Variants in TOMM22 observed in about 807,000 individuals in gnomAD.
The protein encoded by TOMM22 is mitochondrial import receptor subunit TOM22 homolog.
TOMM22 carries 3 observed loss-of-function variants against 17.1 expected under a neutral mutation model. That is an observed-to-expected ratio of 0.18 (90% confidence interval 0.08 to 0.45). TOMM22 has a LOEUF of 0.45. TOMM22 is among the 20% of genes least tolerant of loss of function. The pLI is 0.99. For synonymous variants in TOMM22, 91 were observed against 74.0 expected (o/e 1.23, Z -1.18); for missense variants, 159 against 179.5 (o/e 0.89, Z 0.65).
Position 38,683,764 on chromosome 22 carries a change from C to T in TOMM22, c.355-3C>T, listed in dbSNP as rs368675154. On this transcript the variant is annotated splice_polypyrimidine_tract_variant and splice_region_variant and intron_variant, in intron 3 of 3. Transcript: ENST00000216034. ...GCCTTACACCCCTCCTTTTCTTTTC[C>T]AGATACTTCTAGGACCTAACACAGG... is the stretch of plus-strand genomic sequence containing the variant. 38 of 1,613,392 alleles carry T rather than the reference C, an allele frequency of 2.4e-5. No individual in the cohort carries two copies. The highest frequency in any genetic ancestry group is 3.1e-5 in the Non-Finnish European group (36 of 1,179,554).
chr22:38,683,693 G>C (rs2092486946), intron 3 of TOMM22, 74 bp from the exon 4 acceptor site: 1 of 1,103,068 alleles, frequency 9.1e-7, no homozygotes, highest in Non-Finnish European at 1.4e-6. Flanking sequence ...TGTAGACGTT[G>C]GCCCCATCAG....
intron 2 of TOMM22, 88 bp from the exon 3 acceptor site, chr22:38,682,791 G>A (rs2092483092): frequency 9.2e-7 from 1 of 1,086,722 alleles, no homozygotes; most frequent in Admixed American, 1.7e-5. Context: ...ATTGGAGTAT[G>A]TAATGTGAGA....
At chr22:38,682,486 CGTG>C (rs1569259687) in intron 2 of TOMM22, 45 bp downstream of exon 2, 3 of 1,556,514 alleles carry the variant, frequency 1.9e-6, no homozygotes, top group Non-Finnish European at 2.7e-6. Context: ...ATGGGATGGT[CGTG>C]GTGCTGTGAA....
chr22:38,684,635 C>A lies in TOMM22; in HGVS notation c.*794C>A, dbSNP rs2092490594. ...AAAATTCATTTTTAGCCAAGTACTT[C>A]ATAGCAATCTTTGCCCTGAATTTAG... is the stretch of plus-strand genomic sequence containing the variant. On this transcript the variant is annotated 3_prime_UTR_variant, in exon 4 of 4. Coordinates refer to ENST00000216034, the MANE Select transcript of TOMM22 (RefSeq NM_020243.5). The A allele has an allele frequency of 6.6e-6, 1 of 152,134 alleles. No homozygotes were observed. The highest frequency in any genetic ancestry group is 1.5e-5 in the Non-Finnish European group (1 of 68,044). 9.4% of individuals were successfully genotyped at this position (152,134 alleles called of 1,614,324 possible). A position where few individuals can be genotyped will look rare whatever the true frequency, so the allele number is the denominator to read the frequency against.
intron 3 of TOMM22, among the ~76,000 whole-genome samples, chr22:38,683,424 CAGG>C (rs2092486138): frequency 6.6e-6 from 1 of 152,134 alleles, no homozygotes; most frequent in South Asian, 2.1e-4. Flanking sequence ...GCTGATCTGA[CAGG>C]AGGTGGAGCT....
In TOMM22 at chr22:38,682,285, C is replaced by T. The variant is rs368090646; in HGVS notation, c.118-38C>T. On this transcript the variant is annotated intron_variant, in intron 1 of 3. Transcript: ENST00000216034. Reference sequence around the variant, plus strand: ...CCGCAGCGGGGCCAGGAATGGATGTCGCTTTTTCGGCTAAGACCCGCGTCT... The same window carrying T: ...CCGCAGCGGGGCCAGGAATGGATGTTGCTTTTTCGGCTAAGACCCGCGTCT... 1.9e-4 allele frequency: 310 copies of T among 1,600,656 alleles called. 1 individual carries two copies. The South Asian group carries it at 2.1e-3, about 11-fold the overall frequency.
intron 3 of TOMM22, among the ~76,000 whole-genome samples, chr22:38,683,371 C>T (rs1044733633): frequency 6.6e-6 from 1 of 152,156 alleles, no homozygotes; most frequent in Non-Finnish European, 1.5e-5. Context: ...CTCGCATGCA[C>T]TGTTCACAAG....
chr22:38,682,024 C>T lies in TOMM22; in HGVS notation c.46C>T (p.Pro16Ser). ...AAAGAGEPQSPDELLPKGDAE... is the reference protein window; with the variant it reads ...AAAGAGEPQSSDELLPKGDAE... ...TGCCGGTGCAGGGGAACCCCAGTCC[C>T]CGGACGAATTGCTCCCGAAAGGCGA... The change falls in exon 1 of 4, where the codon CCG becomes TCG. Residue 16 changes from proline to serine, a missense_variant. Pro to Ser is a moderately conservative substitution (Grantham distance 74). Around this residue, in one of 3 missense-constraint regions of TOMM22, gnomAD observed 107 missense variants for 100.2 expected, o/e 1.07. Coordinates refer to ENST00000216034, the MANE Select transcript of TOMM22 (RefSeq NM_020243.5). The T allele has an allele frequency of 1.2e-6, 2 of 1,610,898 alleles. No individual in the cohort carries two copies. Among genetic ancestry groups the T allele is most frequent in the Non-Finnish European group, 1.7e-6 (2 of 1,178,808 alleles).
rs549653805 is a variant in TOMM22 at position 38,685,052 on chromosome 22, G to A, written c.*1211G>A. 1.8e-4 allele frequency: 28 copies of A among 152,230 alleles called. No homozygotes were observed. Among genetic ancestry groups the A allele is most frequent in the African/African-American group, 6.5e-4 (27 of 41,518 alleles). 9.4% of individuals were successfully genotyped at this position (152,230 alleles called of 1,614,324 possible). ...CCGCCTCTGGCCCCTCAAAGTGCTG[G>A]GATTATAGGCGTCACCCACCACGCC... On this transcript the variant is annotated 3_prime_UTR_variant, in exon 4 of 4. Coordinates refer to ENST00000216034, the MANE Select transcript of TOMM22 (RefSeq NM_020243.5).
At chr22:38,682,643 T>G (rs1805208693) in intron 2 of TOMM22, among the ~76,000 whole-genome samples, 2 of 151,910 alleles carry the variant, frequency 1.3e-5, no homozygotes, top group Admixed American at 1.3e-4. Context: ...TTGGAGATAA[T>G]TAATGAATAA....
At position 38,685,237 on chromosome 22, in the gene TOMM22, C is replaced by T. The variant is rs1359195206; in HGVS notation, c.*1396C>T. The T allele has an allele frequency of 6.6e-6, 1 of 152,246 alleles. No individual in the cohort carries two copies. The highest frequency in any genetic ancestry group is 1.5e-5 in the Non-Finnish European group (1 of 68,058). The allele number at this position is 152,246 out of a possible 1,614,324, so 9.4% of individuals were successfully genotyped here. On this transcript the variant is annotated 3_prime_UTR_variant, in exon 4 of 4. Coordinates refer to ENST00000216034, the MANE Select transcript of TOMM22 (RefSeq NM_020243.5). ...CTGGATTCAAATCCAGGCAGTCCAG[C>T]TACAGAACACTGCTGCTGTGCGCTC...
intron 3 of TOMM22, 151 bp downstream of exon 3, chr22:38,683,147 G>GC: frequency 6.1e-6 from 3 of 492,480 alleles, no homozygotes; most frequent in South Asian, 2.2e-5. Context: ...GGGGTCGGGG[G>GC]GGGGGTTCTG....
At chr22:38,682,157 G>A (rs2092480418) in intron 1 of TOMM22, 62 bp downstream of exon 1, 2 of 1,526,814 alleles carry the variant, frequency 1.3e-6, no homozygotes, top group Non-Finnish European at 8.9e-7. Context: ...TGGGATCCGC[G>A]TGGTACGGGA....
In TOMM22 at chr22:38,684,797, G is replaced by C. The variant is rs1465128452; in HGVS notation, c.*956G>C. ...TGATTTCTGGGGAATAGGGGAGGGG[G>C]ACAGAATTTTTTTTTTTTTTTTTTT... On this transcript the variant is annotated 3_prime_UTR_variant, in exon 4 of 4. Coordinates refer to ENST00000216034, the MANE Select transcript of TOMM22 (RefSeq NM_020243.5). 1 of 151,600 alleles carries C rather than the reference G, an allele frequency of 6.6e-6. No homozygotes were observed. The highest frequency in any genetic ancestry group is 1.5e-5 in the Non-Finnish European group (1 of 68,128). The allele number at this position is 151,600 out of a possible 1,614,324, so 9.4% of individuals were successfully genotyped here.
At chr22:38,682,527 C>A in intron 2 of TOMM22, 86 bp downstream of exon 2, 3 of 1,242,442 alleles carry the variant, frequency 2.4e-6, no homozygotes, top group South Asian at 1.2e-5. Context: ...AGCAGCAGAC[C>A]CGTGTTGGGT....
At position 38,682,453 on chromosome 22, in the gene TOMM22, G is replaced by C. The variant is rs2092481760; in HGVS notation, c.236+12G>C. 6.2e-7 allele frequency: 1 copy of C among 1,611,506 alleles called. No individual in the cohort carries two copies. The highest frequency in any genetic ancestry group is 8.5e-7 in the Non-Finnish European group (1 of 1,177,638). On this transcript the variant is annotated intron_variant, in intron 2 of 3. Coordinates refer to ENST00000216034, the MANE Select transcript of TOMM22 (RefSeq NM_020243.5). ...CAGAAAATGTACAGGTAAGGAACGA[G>C]GGCAAAGGCACTGGGTACGTGCATG...
intron 3 of TOMM22, 63 bp downstream of exon 3, chr22:38,683,059 G>A (rs904934108): frequency 7.0e-5 from 89 of 1,271,678 alleles, no homozygotes; most frequent in Non-Finnish European, 9.5e-5. Context: ...CTAACACATT[G>A]GTCCCCAACC....
chr22:38,685,308 T>C lies in TOMM22; in HGVS notation c.*1467T>C, dbSNP rs1378132103. 1 of 152,242 alleles carries C rather than the reference T, an allele frequency of 6.6e-6. No homozygotes were observed. The highest frequency in any genetic ancestry group is 1.9e-4 in the East Asian group (1 of 5,200). 9.4% of individuals were successfully genotyped at this position (152,242 alleles called of 1,614,324 possible). On this transcript the variant is annotated 3_prime_UTR_variant, in exon 4 of 4. Transcript: ENST00000216034. ...AGGCCCGCTGGGTATACATGATCTT[T>C]CACTTGTTAACTAGGGAAAAACACT...
chr22:38,683,725 T>C, intron 3 of TOMM22, 42 bp from the exon 4 acceptor site: 1 of 1,522,880 alleles, frequency 6.6e-7, no homozygotes, highest in Non-Finnish European at 9.1e-7. Context: ...ATAAGCTCTC[T>C]AGGCCTGTAT....
Sources: allele counts gnomAD v4.1 joint callset (sites outside exome capture counted in the v4.1 genomes callset), GRCh38; gene constraint gnomAD v4.1.1; regional missense constraint gnomAD v4.1.1; transcripts MANE v1.5; gene names NCBI Gene and HGNC (gene_info 2026-07-23, HGNC 2026-07-21).